The following VPS54 variants were observed in gnomAD, a reference collection of about 807,000 sequenced individuals.
The protein encoded by VPS54 is VPS54 subunit of GARP complex.
Under a neutral mutation model 121.5 loss-of-function variants are expected in VPS54, and 45 were observed. The ratio of observed to expected loss-of-function variants is 0.37; its 90% CI spans 0.29 to 0.47. VPS54 has a LOEUF of 0.47. VPS54 is among the 20% of genes least tolerant of loss of function. VPS54 has a pLI of 0.99. For synonymous variants in VPS54, 371 were observed against 385.8 expected, an observed-to-expected ratio of 0.96 and a Z score of 0.45; for missense variants, 1,090 against 1,131.4, an observed-to-expected ratio of 0.96 and a Z score of 0.52.
intron 1 of VPS54, among the ~76,000 whole-genome samples, chr2:64,008,310 A>C (rs12463827): frequency 0.18 from 26,867 of 151,944 alleles, 3,151 homozygotes; most frequent in Non-Finnish European, 0.24. Flanking sequence ...GCTACTCAGA[A>C]GGTTGAGGCA....
Position 63,919,968 on chromosome 2 carries a change from C to CT in VPS54, c.2078dup (p.Gln694AlafsTer13). 1 of 1,611,954 alleles carries CT rather than the reference C, an allele frequency of 6.2e-7. No homozygotes were observed. Among genetic ancestry groups the CT allele is most frequent in the Non-Finnish European group, 8.5e-7 (1 of 1,178,606 alleles). On this transcript the variant is annotated frameshift_variant, in exon 15 of 23. Coordinates refer to ENST00000272322, the MANE Select transcript of VPS54 (RefSeq NM_016516.3). LOFTEE classifies it high-confidence loss of function. ...GAAATTCTGCAGGAACATCTGCTTGCTTCCAGCGCTCATTGTCTAAGAGGA... is the reference window on the plus strand; with the variant it reads ...GAAATTCTGCAGGAACATCTGCTTGCTTTCCAGCGCTCATTGTCTAAGAGGA...
intron 5 of VPS54, among the ~76,000 whole-genome samples, chr2:63,966,294 C>T (rs1032443607): frequency 1.6e-4 from 24 of 152,212 alleles, no homozygotes; most frequent in Non-Finnish European, 4.4e-5. Context: ...AAAATTTCCA[C>T]ATTATTTCCC....
At chr2:63,981,991 A>C in intron 2 of VPS54, 104 bp from the exon 3 acceptor site, 1 of 1,217,608 alleles carries the variant, frequency 8.2e-7, no homozygotes, top group Non-Finnish European at 1.1e-6. Flanking sequence ...ATCTTACGCA[A>C]ACCAACTAAT....
chr2:64,019,090 G>C lies in VPS54; in HGVS notation c.-173C>G, dbSNP rs1225018251. 1 of 151,002 alleles carries C rather than the reference G, an allele frequency of 6.6e-6. No individual in the cohort carries two copies. The highest frequency in any genetic ancestry group is 1.8e-4 in the South Asian group (1 of 5,464). 9.4% of individuals were successfully genotyped at this position (151,002 alleles called of 1,614,324 possible). ...GGGTTCCCGCCCCCGCCCCGCGCCC[G>C]CTGGCCAGTCGGCCCGGGGAGCACA... On this transcript the variant is annotated 5_prime_UTR_variant, in exon 1 of 23. Coordinates refer to ENST00000272322, the MANE Select transcript of VPS54 (RefSeq NM_016516.3).
chr2:63,997,265 G>C (rs987117289), intron 1 of VPS54, among the ~76,000 whole-genome samples: 1 of 152,126 alleles, frequency 6.6e-6, no homozygotes, highest in Non-Finnish European at 1.5e-5. Context: ...AGACTAGTTT[G>C]AGTAGGATTG....
intron 5 of VPS54, among the ~76,000 whole-genome samples, chr2:63,966,920 GA>G (rs1676028260): frequency 6.6e-6 from 1 of 152,130 alleles, no homozygotes; most frequent in Non-Finnish European, 1.5e-5. Context: ...ACATCTTCCT[GA>G]AGAACATGAC....
intron 11 of VPS54, among the ~76,000 whole-genome samples, chr2:63,941,283 G>A (rs1179145188): frequency 3.3e-5 from 5 of 152,034 alleles, no homozygotes; most frequent in African/African-American, 1.2e-4. Flanking sequence ...GGAGTACAGT[G>A]GCACAATCAT....
chr2:64,009,887 G>C (rs1018834033), intron 1 of VPS54, among the ~76,000 whole-genome samples: 5 of 150,960 alleles, frequency 3.3e-5, no homozygotes, highest in Middle Eastern at 3.4e-3. Flanking sequence ...TGTCACTCAG[G>C]CTGGAGTGCA....
At chr2:63,974,791 A>G (rs1206414039) in intron 3 of VPS54, among the ~76,000 whole-genome samples, 3 of 152,112 alleles carry the variant, frequency 2.0e-5, no homozygotes, top group Admixed American at 2.0e-4. Flanking sequence ...TGTATCTTGC[A>G]AGCTTACTAT....
At chr2:64,002,083 G>A (rs1238990053) in intron 1 of VPS54, among the ~76,000 whole-genome samples, 2 of 152,124 alleles carry the variant, frequency 1.3e-5, no homozygotes, top group African/African-American at 4.8e-5. Context: ...TCCATGTGTG[G>A]GCATCAGCTG....
chr2:63,931,713 C>G (rs1194154740), intron 12 of VPS54, among the ~76,000 whole-genome samples: 1 of 152,144 alleles, frequency 6.6e-6, no homozygotes, highest in Non-Finnish European at 1.5e-5. Flanking sequence ...TCAGAGTGAA[C>G]AGGCAACCTA....
At chr2:64,011,929 A>G (rs1678449687) in intron 1 of VPS54, among the ~76,000 whole-genome samples, 1 of 152,262 alleles carries the variant, frequency 6.6e-6, no homozygotes, top group Non-Finnish European at 1.5e-5. Context: ...GGGAAAATAA[A>G]GCAAAATAGC....
At chr2:63,939,022 C>T (rs568733100) in intron 11 of VPS54, among the ~76,000 whole-genome samples, 2 of 152,180 alleles carry the variant, frequency 1.3e-5, no homozygotes, top group South Asian at 4.2e-4. Flanking sequence ...TTATAAATCC[C>T]AATAGCTTAT....
At chr2:64,013,769 T>C (rs1307741316) in intron 1 of VPS54, among the ~76,000 whole-genome samples, 1 of 150,492 alleles carries the variant, frequency 6.6e-6, no homozygotes, top group Non-Finnish European at 1.5e-5. Flanking sequence ...ACATTACTTA[T>C]TCTGAATATT....
intron 7 of VPS54, among the ~76,000 whole-genome samples, chr2:63,958,952 A>G (rs78887946): frequency 1.3e-5 from 2 of 152,240 alleles, no homozygotes; most frequent in Non-Finnish European, 2.9e-5. Context: ...GTGAAATTCA[A>G]GTAGAATATT....
intron 22 of VPS54, among the ~76,000 whole-genome samples, chr2:63,895,324 C>T (rs1311504343): frequency 2.0e-5 from 3 of 152,074 alleles, no homozygotes; most frequent in Non-Finnish European, 2.9e-5. Flanking sequence ...CGTGGTGGCA[C>T]GTGCCTGTAA....
chr2:63,950,195 T>A (rs1214245478), intron 7 of VPS54, among the ~76,000 whole-genome samples: 1 of 152,228 alleles, frequency 6.6e-6, no homozygotes, highest in Non-Finnish European at 1.5e-5. Flanking sequence ...AACAGGAATT[T>A]ATTGTTTCGG....
intron 17 of VPS54, chr2:63,913,811 G>C (rs1348004507): frequency 9.7e-7 from 1 of 1,030,496 alleles, no homozygotes; most frequent in Non-Finnish European, 1.2e-6. Context: ...AATGATGCAA[G>C]AAAAATCTCT....
At chr2:63,923,194 T>C (rs1439096257) in intron 12 of VPS54, among the ~76,000 whole-genome samples, 3 of 151,648 alleles carry the variant, frequency 2.0e-5, no homozygotes, top group African/African-American at 7.3e-5. Flanking sequence ...CAGGCGCCTG[T>C]AGTCCCAGCT....
Sources: allele counts gnomAD v4.1 joint callset (sites outside exome capture counted in the v4.1 genomes callset), GRCh38; gene constraint gnomAD v4.1.1; transcripts MANE v1.5; gene names NCBI Gene and HGNC (gene_info 2026-07-23, HGNC 2026-07-21).